PIP4K2A: variants seen among roughly 807,000 people sequenced by gnomAD.
The protein encoded by PIP4K2A is phosphatidylinositol 5-phosphate 4-kinase type-2 alpha.
A neutral mutation model predicts 42.9 loss-of-function variants in PIP4K2A; 14 were observed. The observed-to-expected ratio is 0.33, with a 90% CI of 0.22 to 0.51. The LOEUF (loss-of-function observed/expected upper bound fraction) is 0.51. Among genes scored for constraint, PIP4K2A ranks in the 20% least tolerant of loss-of-function variants. The probability of loss-of-function intolerance (pLI) is 0.97; values close to 1 mark genes in which losing one functional copy is unlikely to be tolerated. For missense variants in PIP4K2A, 434 were observed against 519.8 expected (o/e 0.83, Z 1.61); for synonymous variants, 192 against 192.2 (o/e 1.00, Z 0.01).
intron 1 of PIP4K2A, among the ~76,000 whole-genome samples, chr10:22,679,867 G>T (rs1424952248): frequency 6.6e-6 from 1 of 152,122 alleles, no homozygotes; most frequent in Non-Finnish European, 1.5e-5. Flanking sequence ...CCTAGGGCTG[G>T]GGGTAGGGGT....
chr10:22,572,108 G>A (rs990747486), intron 5 of PIP4K2A, among the ~76,000 whole-genome samples: 4 of 152,286 alleles, frequency 2.6e-5, no homozygotes, highest in South Asian at 2.1e-4. Context: ...TTGTAAGAGC[G>A]TGAAAGCGTT....
At position 22,589,661 on chromosome 10, in the gene PIP4K2A, C is replaced by T. The variant is rs565481337; in HGVS notation, c.492+1968G>A. Reference sequence around the variant, plus strand: ...GAAAGAATCCATGATATTAGAGCATCATGCATGAACATAAAGTAATGCTTT... The same window carrying T: ...GAAAGAATCCATGATATTAGAGCATTATGCATGAACATAAAGTAATGCTTT... On this transcript the variant is annotated intron_variant, in intron 4 of 9. Coordinates refer to ENST00000376573, the MANE Select transcript of PIP4K2A (RefSeq NM_005028.5). 1.8e-4 allele frequency among the ~76,000 whole-genome samples: 27 copies of T among 152,314 alleles called. 1 individual carries two copies. Among genetic ancestry groups the T allele is most frequent in the Admixed American group, 1.8e-3 (27 of 15,298 alleles).
chr10:22,544,235 C>T (rs952177708), intron 7 of PIP4K2A, among the ~76,000 whole-genome samples: 1 of 151,264 alleles, frequency 6.6e-6, no homozygotes, highest in African/African-American at 2.4e-5. Context: ...TCAGAATGAC[C>T]TGTGGGCCTG....
chr10:22,548,501 T>A (rs978750381), intron 7 of PIP4K2A, among the ~76,000 whole-genome samples: 3 of 152,190 alleles, frequency 2.0e-5, no homozygotes, highest in African/African-American at 7.2e-5. Context: ...CTACTTACCA[T>A]AATTGCTAAA....
intron 1 of PIP4K2A, among the ~76,000 whole-genome samples, chr10:22,645,363 T>G (rs781531565): frequency 1.3e-5 from 2 of 152,008 alleles, no homozygotes; most frequent in Admixed American, 1.3e-4. Flanking sequence ...TTGAGCAACA[T>G]AGTGAGACCC....
chr10:22,638,011 G>C (rs1206140551), intron 1 of PIP4K2A, among the ~76,000 whole-genome samples: 2 of 152,168 alleles, frequency 1.3e-5, no homozygotes, highest in African/African-American at 4.8e-5. Context: ...GATACTGAGT[G>C]CCGCAATTCG....
chr10:22,664,623 T>C (rs1839313739), intron 1 of PIP4K2A, among the ~76,000 whole-genome samples: 2 of 152,112 alleles, frequency 1.3e-5, no homozygotes, highest in African/African-American at 4.8e-5. Flanking sequence ...ATTTGGTATA[T>C]ACATGCTTTT....
At chr10:22,619,439 C>CTTTTTTTTTT (rs746519034) in intron 1 of PIP4K2A, among the ~76,000 whole-genome samples, 9 of 137,482 alleles carry the variant, frequency 6.5e-5, no homozygotes, top group African/African-American at 2.5e-4. Flanking sequence ...TTTCTTTTTT[C>CTTTTTTTTTT]TTTTTTTTTT....
chr10:22,546,482 G>A (rs1247403769), intron 7 of PIP4K2A, among the ~76,000 whole-genome samples: 1 of 152,136 alleles, frequency 6.6e-6, no homozygotes, highest in Non-Finnish European at 1.5e-5. Context: ...TGTGATCATG[G>A]CTCACTGAAG....
chr10:22,544,087 T>C (rs985414030), intron 7 of PIP4K2A, among the ~76,000 whole-genome samples: 2 of 152,032 alleles, frequency 1.3e-5, no homozygotes, highest in African/African-American at 4.8e-5. Flanking sequence ...TTCGCAACCC[T>C]AGGAGGAAGG....
At chr10:22,674,864 G>A (rs565203105) in intron 1 of PIP4K2A, among the ~76,000 whole-genome samples, 1 of 152,112 alleles carries the variant, frequency 6.6e-6, no homozygotes, top group African/African-American at 2.4e-5. Context: ...TCAGCAGGCT[G>A]AGGCAGGAAG....
At chr10:22,567,615 G>A in intron 6 of PIP4K2A, 1 of 709,572 alleles carries the variant, frequency 1.4e-6, no homozygotes, top group Non-Finnish European at 2.6e-6. Context: ...CATGTGGAAT[G>A]TTCCTTCCAA....
At chr10:22,625,897 G>A (rs1838426066) in intron 1 of PIP4K2A, among the ~76,000 whole-genome samples, 1 of 152,160 alleles carries the variant, frequency 6.6e-6, no homozygotes, top group African/African-American at 2.4e-5. Flanking sequence ...TCAGGAGGGA[G>A]GGGAAATGGC....
intron 1 of PIP4K2A, among the ~76,000 whole-genome samples, chr10:22,674,667 C>G (rs1839519984): frequency 6.6e-6 from 1 of 151,958 alleles, no homozygotes; most frequent in Admixed American, 6.6e-5. Flanking sequence ...TCCAGCCAGG[C>G]ACAGTGATTC....
At chr10:22,695,293 A>G (rs1384716426) in intron 1 of PIP4K2A, among the ~76,000 whole-genome samples, 3 of 152,208 alleles carry the variant, frequency 2.0e-5, no homozygotes, top group Non-Finnish European at 4.4e-5. Context: ...AGTAGTACAC[A>G]CAGGAAAACT....
chr10:22,664,908 C>T (rs1839319443), intron 1 of PIP4K2A, among the ~76,000 whole-genome samples: 1 of 151,826 alleles, frequency 6.6e-6, no homozygotes, highest in African/African-American at 2.4e-5. Context: ...GTTCTTTTGT[C>T]CCCCACTCCA....
chr10:22,673,523 A>G (rs1256264239), intron 1 of PIP4K2A, among the ~76,000 whole-genome samples: 1 of 152,186 alleles, frequency 6.6e-6, no homozygotes, highest in African/African-American at 2.4e-5. Flanking sequence ...AGACAGTTTA[A>G]AAAGAATAAA....
chr10:22,573,796 C>T (rs1182435400), intron 4 of PIP4K2A, among the ~76,000 whole-genome samples: 3 of 152,230 alleles, frequency 2.0e-5, no homozygotes, highest in African/African-American at 4.8e-5. Flanking sequence ...CTCCACCTAG[C>T]GCCTCTGTCT....
chr10:22,708,861 C>T (rs1283723431), intron 1 of PIP4K2A, among the ~76,000 whole-genome samples: 1 of 152,248 alleles, frequency 6.6e-6, no homozygotes, highest in African/African-American at 2.4e-5. Flanking sequence ...TGGCTCCCTG[C>T]AGCCTGGACC....
Sources: allele counts gnomAD v4.1 joint callset (sites outside exome capture counted in the v4.1 genomes callset), GRCh38; gene constraint gnomAD v4.1.1; transcripts MANE v1.5; gene names NCBI Gene and HGNC (gene_info 2026-07-23, HGNC 2026-07-21).